Variants in BBX observed in about 807,000 individuals in gnomAD.
BBX encodes BBX high mobility group box domain containing.
Under a neutral mutation model 100.2 loss-of-function variants are expected in BBX, and 30 were observed. The ratio of observed to expected loss-of-function variants is 0.30; its 90% CI spans 0.22 to 0.41. BBX has a LOEUF of 0.41. Ranked by LOEUF, BBX falls within the 10% of genes least tolerant of loss-of-function variation. BBX has a pLI of 1.00. For missense variants in BBX, 1,023 were observed against 1,129.8 expected, an observed-to-expected ratio of 0.91 and a Z score of 1.35; for synonymous variants, 376 against 388.1, an observed-to-expected ratio of 0.97 and a Z score of 0.37.
chr3:107,769,246 G>C (rs1402446204), intron 10 of BBX, among the ~76,000 whole-genome samples: 2 of 150,816 alleles, frequency 1.3e-5, no homozygotes, highest in East Asian at 3.9e-4. Flanking sequence ...AGATAGGATA[G>C]ATAGATAATC....
At chr3:107,637,804 T>C (rs2056941547) in intron 2 of BBX, among the ~76,000 whole-genome samples, 1 of 152,220 alleles carries the variant, frequency 6.6e-6, no homozygotes, top group Admixed American at 6.5e-5. Flanking sequence ...GCGTCAGCTA[T>C]GGAAATGTGA....
intron 4 of BBX, among the ~76,000 whole-genome samples, chr3:107,712,837 A>C (rs1398552726): frequency 6.6e-6 from 1 of 152,204 alleles, no homozygotes; most frequent in African/African-American, 2.4e-5. Context: ...AGCACCTAGA[A>C]GAGTGGCTGG....
At chr3:107,524,876 T>C (rs1247752038) in intron 1 of BBX, among the ~76,000 whole-genome samples, 3 of 150,542 alleles carry the variant, frequency 2.0e-5, no homozygotes, top group Non-Finnish European at 4.4e-5. Flanking sequence ...CCTCTGCTAA[T>C]GGTCATTGGC....
At chr3:107,575,242 C>G (rs2051685019) in intron 2 of BBX, among the ~76,000 whole-genome samples, 1 of 152,204 alleles carries the variant, frequency 6.6e-6, no homozygotes, top group Non-Finnish European at 1.5e-5. Context: ...TTTCCTCTCT[C>G]TACCTTCACC....
chr3:107,748,774 T>G (rs1378707566), intron 9 of BBX, among the ~76,000 whole-genome samples: 2 of 152,194 alleles, frequency 1.3e-5, no homozygotes, highest in Non-Finnish European at 2.9e-5. Context: ...TTTTTTCCCT[T>G]TTTATCCCAA....
chr3:107,741,624 C>A (rs925737578), intron 7 of BBX, among the ~76,000 whole-genome samples: 8 of 151,916 alleles, frequency 5.3e-5, no homozygotes, highest in African/African-American at 1.9e-4. Context: ...ATATCTTTGA[C>A]TATTTTGTAT....
intron 2 of BBX, among the ~76,000 whole-genome samples, chr3:107,606,637 T>G (rs1225473823): frequency 6.6e-6 from 1 of 152,190 alleles, no homozygotes; most frequent in African/African-American, 2.4e-5. Context: ...ATTTCTCTCT[T>G]TTTAAAAAGT....
At chr3:107,622,720 G>A (rs1029652456) in intron 2 of BBX, among the ~76,000 whole-genome samples, 1 of 152,114 alleles carries the variant, frequency 6.6e-6, no homozygotes, top group Non-Finnish European at 1.5e-5. Flanking sequence ...TTATTCATGT[G>A]TTGATTGATT....
intron 7 of BBX, among the ~76,000 whole-genome samples, chr3:107,739,206 T>A (rs1454536996): frequency 6.6e-6 from 1 of 152,232 alleles, no homozygotes; most frequent in Non-Finnish European, 1.5e-5. Context: ...TTTGAATTAA[T>A]TAGATATGTG....
intron 4 of BBX, among the ~76,000 whole-genome samples, chr3:107,715,795 C>T (rs1156314997): frequency 2.6e-5 from 4 of 152,142 alleles, no homozygotes; most frequent in Non-Finnish European, 4.4e-5. Flanking sequence ...TGGACAGATT[C>T]GGAGCTTTGT....
chr3:107,695,979 T>C (rs1336476884), intron 3 of BBX, among the ~76,000 whole-genome samples: 1 of 152,018 alleles, frequency 6.6e-6, no homozygotes, highest in African/African-American at 2.4e-5. Context: ...TTTATCTTTG[T>C]TGGTTTAAAG....
intron 2 of BBX, among the ~76,000 whole-genome samples, chr3:107,565,013 G>A (rs1185962529): frequency 6.6e-6 from 1 of 152,106 alleles, no homozygotes; most frequent in Non-Finnish European, 1.5e-5. Flanking sequence ...TTCAGGAAAT[G>A]TTAGTTTTTT....
rs141325958 is a variant in BBX, at chr3:107,778,420, C to A, written c.2104C>A (p.Gln702Lys). ...EFEKKFNSLPQYSPVTFDRKC... is the reference protein window; with the variant it reads ...EFEKKFNSLPKYSPVTFDRKC... ...TGAAAAAAAATTCAACAGCCTCCCT[C>A]AATATAGTCCTGTTACATTTGACCG... Residue 702 changes from glutamine (Q) to lysine (K), a missense_variant, in exon 13 of 18, where the codon CAA (glutamine) becomes AAA (lysine). This residue lies in a region of BBX where 215 missense variants were observed against 211.3 expected (regional missense o/e 1.02). Transcript: ENST00000325805. The A allele has an allele frequency of 3.7e-6, 6 of 1,613,290 alleles. No homozygotes were observed. The African/African-American group carries it at 8.0e-5, about 22-fold the overall frequency.
intron 3 of BBX, among the ~76,000 whole-genome samples, chr3:107,653,212 TA>T (rs1461909872): frequency 6.6e-6 from 1 of 152,324 alleles, no homozygotes; most frequent in Admixed American, 6.5e-5. Context: ...GCTGAGAGCT[TA>T]AAATGCAACC....
chr3:107,534,954 T>A (rs1314508679), intron 2 of BBX, among the ~76,000 whole-genome samples: 1 of 152,224 alleles, frequency 6.6e-6, no homozygotes, highest in Non-Finnish European at 1.5e-5. Context: ...AGAAAGATAA[T>A]CTGGACTAAG....
chr3:107,809,454 G>A lies in BBX; in HGVS notation c.*3997G>A, dbSNP rs939938141. The A allele has an allele frequency of 6.6e-6, 1 of 152,390 alleles. No individual in the cohort carries two copies. The highest frequency in any genetic ancestry group is 2.4e-5 in the African/African-American group (1 of 41,454). 9.4% of individuals were successfully genotyped at this position (152,390 alleles called of 1,614,324 possible). A position where few individuals can be genotyped will look rare whatever the true frequency, so the allele number is the denominator to read the frequency against. ...CCATCATTTGTAAAGGGGATGTTGC[G>A]GGGTGTGATGCTGTTGAGGAGATTC... On this transcript the variant is annotated 3_prime_UTR_variant, in exon 18 of 18. Transcript: ENST00000325805.
At chr3:107,768,642 T>C (rs2066594551) in intron 10 of BBX, among the ~76,000 whole-genome samples, 1 of 151,960 alleles carries the variant, frequency 6.6e-6, no homozygotes, top group Non-Finnish European at 1.5e-5. Flanking sequence ...ACATAAATTA[T>C]AAAAATACAG....
chr3:107,749,635 C>CT (rs1236776971), intron 9 of BBX, among the ~76,000 whole-genome samples: 4,111 of 141,602 alleles, frequency 0.029, 94 homozygotes, highest in South Asian at 0.095. Flanking sequence ...TGTATGACCT[C>CT]TTTTTTTTTT....
rs2050926492 is a variant in BBX, at chr3:107,566,509, A to G, written c.-84+40111A>G. Among the ~76,000 whole-genome samples, 3 of 148,902 alleles carry G rather than the reference A, an allele frequency of 2.0e-5. No homozygotes were observed. The South Asian group carries it at 6.3e-4, about 31-fold the overall frequency. On this transcript the variant is annotated intron_variant, in intron 2 of 17. Transcript: ENST00000325805. ...GAATAAGTCACTTAGAGTGAGAATT[A>G]TTTATTTGAACTTCTATGAAACTGC...
Sources: gnomAD v4.1 joint callset for allele counts (sites outside exome capture counted in the v4.1 genomes callset) on GRCh38, gnomAD v4.1.1 for gene constraint, gnomAD v4.1.1 regional missense constraint, MANE v1.5 for transcripts, NCBI Gene and HGNC (gene_info 2026-07-23, HGNC 2026-07-21) for gene names.